UNC13C: variants seen among roughly 807,000 people sequenced by gnomAD.
UNC13C encodes the protein unc-13 homolog C.
UNC13C carries 174 observed loss-of-function variants against 245.4 expected under a neutral mutation model. The ratio of observed to expected loss-of-function variants is 0.71; its 90% CI spans 0.63 to 0.80. UNC13C has a LOEUF of 0.80. Ranked by LOEUF, UNC13C falls within the 30% of genes least tolerant of loss-of-function variation. The pLI, the probability that UNC13C is intolerant of heterozygous loss-of-function variation, is 0.00. For synonymous variants in UNC13C, 992 were observed against 895.1 expected, an observed-to-expected ratio of 1.11 and a Z score of -1.93; for missense variants, 2,829 against 2,602.9, an observed-to-expected ratio of 1.09 and a Z score of -1.89.
At chr15:54,523,036 T>G (rs1167328561) in intron 24 of UNC13C, among the ~76,000 whole-genome samples, 1 of 152,182 alleles carries the variant, frequency 6.6e-6, no homozygotes, top group Non-Finnish European at 1.5e-5. Flanking sequence ...GCCTTTTACC[T>G]TTACAAGGTA....
At chr15:54,038,124 A>ATAAAATTTTTTTTTTTTTTTTTT in intron 2 of UNC13C, among the ~76,000 whole-genome samples, 1 of 45,040 alleles carries the variant, frequency 2.2e-5, no homozygotes, top group African/African-American at 1.1e-4. Flanking sequence ...ATATATATAT[A>ATAAAATTTTTTTTTTTTTTTTTT]TTTTTTTTTT....
chr15:53,910,546 C>T, the UNC13C span, among the ~76,000 whole-genome samples: 22 of 146,408 alleles, frequency 1.5e-4, 1 homozygote, highest in African/African-American at 4.2e-4. Context: ...GGTGCGCTGG[C>T]GCCCAGAGAA....
intron 2 of UNC13C, among the ~76,000 whole-genome samples, chr15:54,060,765 A>C (rs1049558293): frequency 2.0e-4 from 31 of 152,192 alleles, no homozygotes; most frequent in Non-Finnish European, 3.7e-4. Flanking sequence ...TGGCACATAT[A>C]CACCATGGAA....
At chr15:54,490,844 T>C (rs1051145409) in intron 19 of UNC13C, among the ~76,000 whole-genome samples, 1 of 152,176 alleles carries the variant, frequency 6.6e-6, no homozygotes, top group Non-Finnish European at 1.5e-5. Context: ...AAATGTCTTG[T>C]TTTATGTTTC....
At chr15:54,002,680 C>G (rs1566941683) in intron 1 of UNC13C, among the ~76,000 whole-genome samples, 1 of 152,172 alleles carries the variant, frequency 6.6e-6, no homozygotes, top group East Asian at 1.9e-4. Context: ...ATCAATAATT[C>G]TAACAAATGT....
intron 17 of UNC13C, among the ~76,000 whole-genome samples, chr15:54,355,824 C>G (rs2039082718): frequency 6.6e-6 from 1 of 152,074 alleles, no homozygotes; most frequent in Non-Finnish European, 1.5e-5. Context: ...ATATTATCAC[C>G]TTTCTGCATA....
chr15:54,385,591 AT>A (rs1229875733), intron 17 of UNC13C, among the ~76,000 whole-genome samples: 1 of 151,462 alleles, frequency 6.6e-6, no homozygotes, highest in Non-Finnish European at 1.5e-5. Flanking sequence ...AGGGTTGATT[AT>A]GGATATAAAA....
the UNC13C span, among the ~76,000 whole-genome samples, chr15:53,924,671 T>A: frequency 0.021 from 3,153 of 152,266 alleles, 119 homozygotes; most frequent in East Asian, 0.14. Context: ...TGATATGCCA[T>A]ACAAACTGGC....
the UNC13C span, chr15:53,837,660 GTAAATGACAGTCTC>G: frequency 3.3e-5 from 5 of 152,264 alleles, no homozygotes; most frequent in East Asian, 9.7e-4. Context: ...AGTAGTAGAG[GTAAATGACAGTCTC>G]TTCTGAAAAT....
At chr15:53,853,556 T>G in the UNC13C span, among the ~76,000 whole-genome samples, 2 of 152,212 alleles carry the variant, frequency 1.3e-5, no homozygotes, top group Non-Finnish European at 2.9e-5. Flanking sequence ...TCTAGGTCTT[T>G]GAGAAAACTC....
At chr15:54,499,513 A>G (rs1247516341) in intron 20 of UNC13C, among the ~76,000 whole-genome samples, 1 of 152,160 alleles carries the variant, frequency 6.6e-6, no homozygotes, top group Non-Finnish European at 1.5e-5. Context: ...AAAGATGCAA[A>G]TTCAATGCGG....
intron 4 of UNC13C, among the ~76,000 whole-genome samples, chr15:54,149,020 G>C (rs879304128): frequency 6.6e-6 from 1 of 152,118 alleles, no homozygotes; most frequent in South Asian, 2.1e-4. Context: ...TTGGATCATG[G>C]GGGGCAGTTT....
intron 18 of UNC13C, among the ~76,000 whole-genome samples, chr15:54,394,284 A>T (rs1567236096): frequency 6.6e-6 from 1 of 151,800 alleles, no homozygotes; most frequent in African/African-American, 2.4e-5. Context: ...TTTTTGGTAT[A>T]CAATCATGAT....
intron 4 of UNC13C, among the ~76,000 whole-genome samples, chr15:54,195,753 T>C (rs906068566): frequency 1.1e-4 from 17 of 152,166 alleles, no homozygotes; most frequent in African/African-American, 4.1e-4. Flanking sequence ...AGTGGTATAA[T>C]ATGACATTGC....
chr15:54,418,165 G>T (rs1175652167), intron 19 of UNC13C, among the ~76,000 whole-genome samples: 1 of 152,038 alleles, frequency 6.6e-6, no homozygotes, highest in Non-Finnish European at 1.5e-5. Flanking sequence ...ATGCCTTTTA[G>T]CCTCAATCCT....
intron 10 of UNC13C, among the ~76,000 whole-genome samples, chr15:54,269,384 G>T (rs1460796615): frequency 1.3e-5 from 2 of 151,962 alleles, no homozygotes; most frequent in African/African-American, 4.8e-5. Context: ...GAATTTGATT[G>T]ATAAGCCAAA....
At chr15:54,392,656 C>A (rs1350966895) in intron 17 of UNC13C, among the ~76,000 whole-genome samples, 1 of 151,898 alleles carries the variant, frequency 6.6e-6, no homozygotes, top group Non-Finnish European at 1.5e-5. Context: ...CACAAACACA[C>A]ACCTTTGTAC....
intron 7 of UNC13C, among the ~76,000 whole-genome samples, chr15:54,246,178 T>TG (rs140578567): frequency 0.025 from 3,860 of 152,248 alleles, 160 homozygotes; most frequent in African/African-American, 0.089. Flanking sequence ...GTTCCAAAAG[T>TG]GACATATTAG....
chr15:54,047,340 CAT>C (rs1897082646), intron 2 of UNC13C, among the ~76,000 whole-genome samples: 1 of 151,948 alleles, frequency 6.6e-6, no homozygotes, highest in South Asian at 2.1e-4. Context: ...GAGCAACCAT[CAT>C]TACCATTCAT....
Sources: allele counts gnomAD v4.1 joint callset (sites outside exome capture counted in the v4.1 genomes callset), GRCh38; gene constraint gnomAD v4.1.1; transcripts MANE v1.5; gene names NCBI Gene and HGNC (gene_info 2026-07-23, HGNC 2026-07-21).